The following RASGEF1B variants were observed in gnomAD, a reference collection of about 807,000 sequenced individuals.
RASGEF1B encodes ras-GEF domain-containing family member 1B.
A neutral mutation model predicts 65.7 loss-of-function variants in RASGEF1B; 30 were observed. The observed-to-expected ratio is 0.46, with a 90% CI of 0.34 to 0.62. The LOEUF (loss-of-function observed/expected upper bound fraction) is 0.62, where lower values mean the gene tolerates loss of function less well. Among genes scored for constraint, RASGEF1B ranks in the 20% least tolerant of loss-of-function variants. RASGEF1B has a pLI of 0.01. For missense variants in RASGEF1B, 495 were observed against 580.1 expected, an observed-to-expected ratio of 0.85 and a Z score of 1.51; for synonymous variants, 175 against 194.8, an observed-to-expected ratio of 0.90 and a Z score of 0.85.
At chr4:81,428,863 G>A (rs906265180) in intron 13 of RASGEF1B, among the ~76,000 whole-genome samples, 4 of 152,180 alleles carry the variant, frequency 2.6e-5, no homozygotes, top group Non-Finnish European at 2.9e-5. Flanking sequence ...TAAATACCAA[G>A]GGATGATTAT....
chr4:81,439,643 G>A (rs1721767939), intron 10 of RASGEF1B, among the ~76,000 whole-genome samples: 1 of 152,152 alleles, frequency 6.6e-6, no homozygotes, highest in Admixed American at 6.5e-5. Flanking sequence ...CCTTCAGTGG[G>A]CTTACTTACT....
At chr4:81,448,666 C>T (rs1034051769) in intron 4 of RASGEF1B, among the ~76,000 whole-genome samples, 27 of 152,298 alleles carry the variant, frequency 1.8e-4, no homozygotes, top group African/African-American at 4.3e-4. Context: ...ATACATTGAT[C>T]GCAAGTCAAT....
chr4:81,444,291 G>A (rs180958673), intron 8 of RASGEF1B, among the ~76,000 whole-genome samples: 15 of 152,298 alleles, frequency 9.8e-5, no homozygotes, highest in Middle Eastern at 3.4e-3. Flanking sequence ...TATCTAGACT[G>A]TGGGCCTTTC....
intron 3 of RASGEF1B, among the ~76,000 whole-genome samples, chr4:81,457,165 C>G (rs1474407576): frequency 1.3e-5 from 2 of 152,060 alleles, no homozygotes; most frequent in South Asian, 2.1e-4. Flanking sequence ...TACAGGCATG[C>G]GCCACCAGGG....
chr4:81,459,227 C>A, intron 2 of RASGEF1B, 105 bp downstream of exon 2: 1 of 875,164 alleles, frequency 1.1e-6, no homozygotes, highest in African/African-American at 1.7e-5. Context: ...TAGAAAAATT[C>A]TTAGCAACCT....
chr4:81,452,471 T>A (rs1224128161), intron 4 of RASGEF1B: 1 of 152,238 alleles, frequency 6.6e-6, no homozygotes, highest in East Asian at 1.9e-4. Context: ...AATCAGGTTG[T>A]TAGCAAAAAA....
At chr4:81,434,391 T>TA (rs1427020814) in intron 11 of RASGEF1B, among the ~76,000 whole-genome samples, 1 of 152,210 alleles carries the variant, frequency 6.6e-6, no homozygotes, top group African/African-American at 2.4e-5. Context: ...TTTCTTCATT[T>TA]AATAAAACTC....
intron 1 of RASGEF1B, 145 bp from the exon 2 acceptor site, chr4:81,459,659 G>A (rs1722575039): frequency 3.1e-6 from 2 of 654,934 alleles, no homozygotes; most frequent in Non-Finnish European, 2.4e-6. Context: ...CAGAATCAGA[G>A]CCCATCAGGA....
intron 9 of RASGEF1B, among the ~76,000 whole-genome samples, 157 bp from the exon 10 acceptor site, chr4:81,441,086 T>A (rs533286179): frequency 8.5e-5 from 13 of 152,214 alleles, no homozygotes; most frequent in Non-Finnish European, 1.6e-4. Context: ...CAAATGCACA[T>A]GACACAAGTG....
intron 12 of RASGEF1B, among the ~76,000 whole-genome samples, chr4:81,433,064 AAAAG>A (rs1721488553): frequency 6.6e-6 from 1 of 151,392 alleles, no homozygotes; most frequent in African/African-American, 2.4e-5. Flanking sequence ...AAAAAAAAAA[AAAAG>A]AAAGAAAAAA....
At chr4:81,446,366 C>T (rs1270151612) in intron 6 of RASGEF1B, among the ~76,000 whole-genome samples, 2 of 152,092 alleles carry the variant, frequency 1.3e-5, no homozygotes, top group South Asian at 2.1e-4. Flanking sequence ...GAGTGAGATT[C>T]GGCCTCCAAA....
intron 3 of RASGEF1B, among the ~76,000 whole-genome samples, chr4:81,457,074 A>C (rs1325779532): frequency 6.6e-6 from 1 of 152,068 alleles, no homozygotes; most frequent in African/African-American, 2.4e-5. Flanking sequence ...GCTGGAGTGC[A>C]GTGGTGCAAT....
chr4:81,457,320 A>G (rs558020066), intron 3 of RASGEF1B, among the ~76,000 whole-genome samples, 179 bp downstream of exon 3: 1 of 152,306 alleles, frequency 6.6e-6, no homozygotes, highest in African/African-American at 2.4e-5. Flanking sequence ...CCCGAACTGC[A>G]TTTGATTTAT....
chr4:81,444,324 T>C (rs1021959702), intron 8 of RASGEF1B, among the ~76,000 whole-genome samples: 3 of 152,246 alleles, frequency 2.0e-5, no homozygotes, highest in African/African-American at 7.2e-5. Flanking sequence ...AGATAATCTT[T>C]CTGTTTGCTA....
chr4:81,440,042 T>G lies in RASGEF1B; in HGVS notation c.1104+792A>C, dbSNP rs148967235. ...GCCATGAAATGTTTTTTACCTCATTTTCTTTTATTTGTGGAAGATATAGTT... is the reference window on the plus strand; with the variant it reads ...GCCATGAAATGTTTTTTACCTCATTGTCTTTTATTTGTGGAAGATATAGTT... On this transcript the variant is annotated intron_variant, in intron 10 of 13. Transcript: ENST00000264400. Among the ~76,000 whole-genome samples, 327 of 152,326 alleles carry G rather than the reference T, an allele frequency of 2.1e-3. 2 individuals carry two copies. The highest frequency in any genetic ancestry group is 7.4e-3 in the African/African-American group (308 of 41,582).
At chr4:81,453,224 G>C (rs1009970545) in intron 4 of RASGEF1B, 2 of 152,256 alleles carry the variant, frequency 1.3e-5, no homozygotes, top group East Asian at 3.9e-4. Flanking sequence ...GCACAGCATG[G>C]GGTCTAGAGG....
At chr4:81,445,896 C>G in intron 6 of RASGEF1B, 58 bp from the exon 7 acceptor site, 1 of 1,281,116 alleles carries the variant, frequency 7.8e-7, no homozygotes, top group East Asian at 2.3e-5. Context: ...GTAGTGGACT[C>G]TCATTTTGTG....
chr4:81,450,558 C>A (rs550786500), intron 4 of RASGEF1B, among the ~76,000 whole-genome samples: 68 of 145,748 alleles, frequency 4.7e-4, no homozygotes, highest in African/African-American at 1.1e-3. Flanking sequence ...GTTGTTGATG[C>A]CTTTTGTTTG....
intron 13 of RASGEF1B, among the ~76,000 whole-genome samples, chr4:81,428,937 T>G (rs1226856390): frequency 6.6e-6 from 1 of 152,264 alleles, no homozygotes; most frequent in Non-Finnish European, 1.5e-5. Context: ...TTTTATTTTG[T>G]TTTAACTTCT....
Sources: allele counts gnomAD v4.1 joint callset (sites outside exome capture counted in the v4.1 genomes callset), GRCh38; gene constraint gnomAD v4.1.1; transcripts MANE v1.5; gene names NCBI Gene and HGNC (gene_info 2026-07-23, HGNC 2026-07-21).